The following PRKN variants were observed in gnomAD, a reference collection of about 807,000 sequenced individuals.
The protein encoded by PRKN is parkin RBR E3 ubiquitin protein ligase.
In PRKN, 56 loss-of-function variants were observed where a neutral mutation model predicts 59.5. That is an observed-to-expected ratio of 0.94 (90% confidence interval 0.76 to 1.18). PRKN has a LOEUF of 1.18. PRKN is among the 50% of genes most tolerant of loss of function. PRKN has a pLI of 0.00. For synonymous variants in PRKN, 250 were observed against 222.1 expected, an observed-to-expected ratio of 1.13 and a Z score of -1.12; for missense variants, 657 against 596.4, an observed-to-expected ratio of 1.10 and a Z score of -1.06.
At chr6:162,550,252 T>C (rs1453768484) in intron 1 of PRKN, among the ~76,000 whole-genome samples, 1 of 152,088 alleles carries the variant, frequency 6.6e-6, no homozygotes, top group Non-Finnish European at 1.5e-5. Flanking sequence ...CTGTCTTAGG[T>C]AGGATTTCCT....
Position 161,396,688 on chromosome 6 carries a change from C to T in PRKN, c.1084-9811G>A, listed in dbSNP as rs113683602. 2.0e-5 allele frequency among the ~76,000 whole-genome samples: 3 copies of T among 152,128 alleles called. No homozygotes were observed. Among genetic ancestry groups the T allele is most frequent in the Admixed American group, 6.5e-5 (1 of 15,284 alleles). On this transcript the variant is annotated intron_variant, in intron 9 of 11. Coordinates refer to ENST00000366898, the MANE Select transcript of PRKN (RefSeq NM_004562.3). The surrounding 1 kb of genome is among the most constrained non-coding windows in gnomAD (Gnocchi z 5.4). ...AGACTCTGTAGAAATGATTACGCTACGCCAGTAAAAATGTGAAATCCAAGC... is the reference window on the plus strand; with the variant it reads ...AGACTCTGTAGAAATGATTACGCTATGCCAGTAAAAATGTGAAATCCAAGC...
rs542536086 is a variant in PRKN, at chr6:162,720,607, C to T, written c.7+7055G>A. Among the ~76,000 whole-genome samples the T allele has an allele frequency of 8.7e-3, 1,313 of 151,536 alleles. 9 individuals carry two copies. The highest frequency in any genetic ancestry group is 0.014 in the Non-Finnish European group (939 of 67,836). On this transcript the variant is annotated intron_variant, in intron 1 of 11. Transcript: ENST00000366898. ...CTGGGACTACAGGCGCCCGCCACCG[C>T]GCCCGGCTAATTTTTTGTATTTTTA...
chr6:161,350,295 A>C (rs1387089948), intron 11 of PRKN, 84 bp from the exon 12 acceptor site: 2 of 864,214 alleles, frequency 2.3e-6, no homozygotes, highest in Non-Finnish European at 3.8e-6. Context: ...ACGCTAGCCT[A>C]GACATCACTT....
At chr6:161,537,058 T>C (rs761412452) in intron 9 of PRKN, among the ~76,000 whole-genome samples, 1 of 152,192 alleles carries the variant, frequency 6.6e-6, no homozygotes, top group Non-Finnish European at 1.5e-5. Context: ...TTTACAACAA[T>C]ACAATACTGC....
Position 161,574,050 on chromosome 6 carries a change from T to C in PRKN, c.872-4634A>G, listed in dbSNP as rs1279173839. 2.0e-5 allele frequency among the ~76,000 whole-genome samples: 3 copies of C among 151,680 alleles called. No individual in the cohort carries two copies. The East Asian group carries it at 5.8e-4, about 29-fold the overall frequency. On this transcript the variant is annotated intron_variant, in intron 7 of 11. Coordinates refer to ENST00000366898, the MANE Select transcript of PRKN (RefSeq NM_004562.3). ...CTAGATAATTACTTGAAACACCTGG[T>C]AGGTTCAAAAAAACAACAAACAAGA...
chr6:162,668,504 TGACAGGGTAAGAGATGAGACGATGAG>T (rs150126477), intron 1 of PRKN, among the ~76,000 whole-genome samples: 9,601 of 152,068 alleles, frequency 0.063, 973 homozygotes, highest in African/African-American at 0.21. Context: ...GGGGAAAAAC[TGACAGGGTAAGAGATGAGACGATGAG>T]GACAGAGGTG....
intron 1 of PRKN, among the ~76,000 whole-genome samples, chr6:162,658,909 T>C (rs1778771728): frequency 6.6e-6 from 1 of 152,034 alleles, no homozygotes; most frequent in Non-Finnish European, 1.5e-5. Flanking sequence ...TGTTATGACA[T>C]TTAAAACAAG....
intron 7 of PRKN, among the ~76,000 whole-genome samples, chr6:161,708,348 G>A (rs1786595254): frequency 6.6e-6 from 1 of 151,222 alleles, no homozygotes. Flanking sequence ...ACTTTAATGT[G>A]AATTTAAACA....
chr6:161,679,172 G>A (rs934047990), intron 7 of PRKN, among the ~76,000 whole-genome samples: 2 of 152,188 alleles, frequency 1.3e-5, no homozygotes, highest in Non-Finnish European at 2.9e-5. Context: ...GATTTCAGGA[G>A]CATCGCCAAG....
At chr6:162,417,641 G>T (rs931375177) in intron 2 of PRKN, among the ~76,000 whole-genome samples, 1 of 152,154 alleles carries the variant, frequency 6.6e-6, no homozygotes, top group African/African-American at 2.4e-5. Flanking sequence ...AAATTAAAGC[G>T]CTCTCAAATG....
chr6:161,511,362 G>A (rs901963049), intron 9 of PRKN, among the ~76,000 whole-genome samples: 1 of 152,084 alleles, frequency 6.6e-6, no homozygotes, highest in African/African-American at 2.4e-5. Context: ...AATGATGCTT[G>A]GTATTTATCA....
rs1784424068 is a variant in PRKN, at chr6:161,348,950, C to A, written c.*1149G>T. On this transcript the variant is annotated 3_prime_UTR_variant, in exon 12 of 12. Coordinates refer to ENST00000366898, the MANE Select transcript of PRKN (RefSeq NM_004562.3). The surrounding 1 kb of genome is among the most constrained non-coding windows in gnomAD (Gnocchi z 4.9). ...AATCCATGTCAACATAAGGAATATT[C>A]TAGTGAGTTTACTGTCCTAAGAGAA... 5.0e-6 allele frequency: 1 copy of A among 201,312 alleles called. No homozygotes were observed. The highest frequency in any genetic ancestry group is 1.0e-5 in the Non-Finnish European group (1 of 98,012). 12.5% of individuals were successfully genotyped at this position (201,312 alleles called of 1,614,324 possible).
intron 2 of PRKN, among the ~76,000 whole-genome samples, chr6:162,346,776 T>G (rs1195160435): frequency 1.3e-5 from 2 of 152,186 alleles, no homozygotes; most frequent in Admixed American, 1.3e-4. Flanking sequence ...TAAATTACAT[T>G]ATTGATTATT....
At chr6:161,629,462 C>T (rs571863248) in intron 7 of PRKN, among the ~76,000 whole-genome samples, 1 of 152,212 alleles carries the variant, frequency 6.6e-6, no homozygotes, top group African/African-American at 2.4e-5. Context: ...ACCCAGGCTC[C>T]ACATTCCATC....
At chr6:161,991,978 A>G (rs1011526391) in intron 5 of PRKN, among the ~76,000 whole-genome samples, 1 of 152,194 alleles carries the variant, frequency 6.6e-6, no homozygotes, top group African/African-American at 2.4e-5. Flanking sequence ...ACAAATAAAA[A>G]CCAAAAGTGG....
At chr6:161,800,271 T>G (rs1791026381) in intron 6 of PRKN, among the ~76,000 whole-genome samples, 1 of 151,846 alleles carries the variant, frequency 6.6e-6, no homozygotes, top group Non-Finnish European at 1.5e-5. Context: ...GGCAATCGAG[T>G]GCTTGATGTC....
rs967728780 is a variant in PRKN, at chr6:161,499,669, G to A, written c.1083+49185C>T. ...ACCTACTGGATTCGAGGTGGTGGTG[G>A]TTTCTGCATTTTCCATAAGTAACCC... On this transcript the variant is annotated intron_variant, in intron 9 of 11. Coordinates refer to ENST00000366898, the MANE Select transcript of PRKN (RefSeq NM_004562.3). The surrounding 1 kb of genome is among the most constrained non-coding windows in gnomAD (Gnocchi z 4.2). Among the ~76,000 whole-genome samples, 1 of 152,154 alleles carries A rather than the reference G, an allele frequency of 6.6e-6. No homozygotes were observed. The highest frequency in any genetic ancestry group is 1.5e-5 in the Non-Finnish European group (1 of 68,038).
chr6:162,569,783 G>C (rs1197532527), intron 1 of PRKN: 1 of 488,910 alleles, frequency 2.0e-6, no homozygotes, highest in Non-Finnish European at 3.8e-6. Flanking sequence ...CCAGAGCCTG[G>C]GAGGGAGGCT....
At chr6:161,859,444 A>C (rs2066996699) in intron 6 of PRKN, among the ~76,000 whole-genome samples, 1 of 151,718 alleles carries the variant, frequency 6.6e-6, no homozygotes, top group Non-Finnish European at 1.5e-5. Context: ...CTCTACTAAA[A>C]ATACAAAAAT....
Sources: allele counts gnomAD v4.1 joint callset (sites outside exome capture counted in the v4.1 genomes callset), GRCh38; gene constraint gnomAD v4.1.1; non-coding constraint Gnocchi (gnomAD v3.1); transcripts MANE v1.5; gene names NCBI Gene and HGNC (gene_info 2026-07-23, HGNC 2026-07-21).